RFC3: variants seen among roughly 807,000 people sequenced by gnomAD.
RFC3 encodes the protein A1 38 kDa subunit.
Under a neutral mutation model 45.1 loss-of-function variants are expected in RFC3, and 41 were observed. The ratio of observed to expected loss-of-function variants is 0.91; its 90% confidence interval spans 0.71 to 1.18. RFC3 has a LOEUF of 1.18. Among genes scored for constraint, RFC3 ranks in the 50% most tolerant of loss-of-function variants. The probability of loss-of-function intolerance (pLI) is 0.00; values close to 1 mark genes in which losing one functional copy is unlikely to be tolerated. For missense variants in RFC3, 423 were observed against 428.1 expected, an observed-to-expected ratio of 0.99 and a Z score of 0.10; for synonymous variants, 149 against 144.0, an observed-to-expected ratio of 1.03 and a Z score of -0.25.
At chr13:33,975,167 C>G in the RFC3 span, among the ~76,000 whole-genome samples, 1 of 152,160 alleles carries the variant, frequency 6.6e-6, no homozygotes, top group African/African-American at 2.4e-5. Context: ...AATTGATGAA[C>G]AAACTGTAGT....
At chr13:33,864,273 C>T (rs951296141) in intron 8 of RFC3, among the ~76,000 whole-genome samples, 2 of 152,186 alleles carry the variant, frequency 1.3e-5, no homozygotes, top group African/African-American at 4.8e-5. Flanking sequence ...CCACTAGGCC[C>T]ACCTCTAACA....
chr13:33,954,256 G>C (rs34339804), intron 8 of RFC3, among the ~76,000 whole-genome samples: 1 of 152,160 alleles, frequency 6.6e-6, no homozygotes, highest in Non-Finnish European at 1.5e-5. Context: ...GACATCAATA[G>C]AGGGCACAAT....
chr13:33,969,009 T>C (rs1385857998), downstream of RFC3, among the ~76,000 whole-genome samples: 1 of 152,200 alleles, frequency 6.6e-6, no homozygotes, highest in Non-Finnish European at 1.5e-5. Flanking sequence ...ACAAATTTTC[T>C]TCATTACTGC....
At chr13:33,860,954 T>A (rs1009149500) in intron 8 of RFC3, among the ~76,000 whole-genome samples, 13 of 151,814 alleles carry the variant, frequency 8.6e-5, no homozygotes, top group Admixed American at 8.5e-4. Flanking sequence ...CAGGCTGGAG[T>A]GCAGTGGTAT....
At chr13:33,926,772 CT>C (rs1397757299) in intron 8 of RFC3, among the ~76,000 whole-genome samples, 1 of 150,960 alleles carries the variant, frequency 6.6e-6, no homozygotes, top group Non-Finnish European at 1.5e-5. Context: ...GTGGGATACA[CT>C]TTTGTCAACA....
intron 8 of RFC3, among the ~76,000 whole-genome samples, chr13:33,876,333 C>T (rs1224045210): frequency 1.3e-5 from 2 of 152,176 alleles, no homozygotes; most frequent in Admixed American, 6.5e-5. Context: ...AGGCAAAAAG[C>T]ACCCCTGACT....
intron 8 of RFC3, among the ~76,000 whole-genome samples, chr13:33,894,134 A>G (rs577051918): frequency 6.6e-6 from 1 of 152,178 alleles, no homozygotes; most frequent in Non-Finnish European, 1.5e-5. Flanking sequence ...CCTTTGAAAG[A>G]AGCAGAACCC....
chr13:33,836,630 G>C lies in RFC3; in HGVS notation c.*335G>C, dbSNP rs1170462855. 1 of 1,004,980 alleles carries C rather than the reference G, an allele frequency of 1.0e-6. No homozygotes were observed. The highest frequency in any genetic ancestry group is 1.2e-6 in the Non-Finnish European group (1 of 842,728). 62.3% of individuals were successfully genotyped at this position (1,004,980 alleles called of 1,614,324 possible). ...CTAAAGGAGATTTACACATTAGAAA[G>C]CAAAGATTATTTTCATTTATCCAGA... On this transcript the variant is annotated 3_prime_UTR_variant, in exon 9 of 9. Transcript: ENST00000380071.
At position 33,825,820 on chromosome 13, in the gene RFC3, C is replaced by T. The variant is rs765573283; in HGVS notation, c.325C>T (p.Gln109Ter). 6.2e-7 allele frequency: 1 copy of T among 1,603,384 alleles called. No homozygotes were observed. The highest frequency in any genetic ancestry group is 8.5e-7 in the Non-Finnish European group (1 of 1,174,720). Reference protein sequence around the residue: ...DAGNSDRVVIQEMLKTVAQSQ... With the variant: ...DAGNSDRVVI ...TGGAAATAGTGACCGAGTAGTCATT[C>T]AGGAGATGTTGAAAACAGTGGCACA... Residue 109 changes from glutamine to a stop codon, truncating the protein, a stop_gained, in exon 4 of 9, where the codon CAG becomes TAG. Coordinates refer to ENST00000380071, the MANE Select transcript of RFC3 (RefSeq NM_002915.4). LOFTEE classifies it high-confidence loss of function.
At chr13:33,972,935 A>C in the RFC3 span, among the ~76,000 whole-genome samples, 1 of 152,240 alleles carries the variant, frequency 6.6e-6, no homozygotes, top group African/African-American at 2.4e-5. Flanking sequence ...GCAGAAGGGC[A>C]TAAGAATCGC....
At chr13:33,892,314 A>G (rs1473340523) in intron 8 of RFC3, among the ~76,000 whole-genome samples, 1 of 152,178 alleles carries the variant, frequency 6.6e-6, no homozygotes, top group Non-Finnish European at 1.5e-5. Context: ...CAGGAGCCAG[A>G]ATAAGGGATG....
chr13:33,908,186 C>T (rs978387366), intron 8 of RFC3, among the ~76,000 whole-genome samples: 4 of 151,952 alleles, frequency 2.6e-5, no homozygotes, highest in Non-Finnish European at 5.9e-5. Flanking sequence ...CACACACACA[C>T]AGTGCTACAT....
At chr13:33,925,153 CAT>C (rs1263057154) in intron 8 of RFC3, among the ~76,000 whole-genome samples, 7 of 145,234 alleles carry the variant, frequency 4.8e-5, no homozygotes, top group African/African-American at 1.5e-4. Context: ...GTACTATATA[CAT>C]ACACATATAG....
chr13:33,905,590 C>A (rs970046122), intron 8 of RFC3, among the ~76,000 whole-genome samples: 13 of 151,956 alleles, frequency 8.6e-5, no homozygotes, highest in African/African-American at 3.1e-4. Flanking sequence ...GTCTTCAGGG[C>A]TGAAGCAGTT....
At chr13:33,850,869 CAAT>C (rs1205335060) in intron 8 of RFC3, 1 of 151,986 alleles carries the variant, frequency 6.6e-6, no homozygotes, top group East Asian at 1.9e-4. Flanking sequence ...GAAAGGAAGT[CAAT>C]AAGCTTAATA....
intron 1 of RFC3, 139 bp from the exon 2 acceptor site, chr13:33,820,993 A>G (rs888677171): frequency 6.1e-5 from 35 of 572,516 alleles, no homozygotes; most frequent in Non-Finnish European, 7.6e-5. Context: ...ACACATATAT[A>G]AAAAATTGGG....
At chr13:33,881,432 C>T (rs2082483248) in intron 8 of RFC3, among the ~76,000 whole-genome samples, 1 of 152,202 alleles carries the variant, frequency 6.6e-6, no homozygotes, top group Non-Finnish European at 1.5e-5. Context: ...AGGATGCTTA[C>T]ACTGCGAGGA....
At chr13:33,847,196 C>T (rs986833345) in intron 8 of RFC3, 2 of 152,430 alleles carry the variant, frequency 1.3e-5, no homozygotes, top group African/African-American at 4.8e-5. Context: ...GCCACCATGC[C>T]TGGCCTACAC....
intron 8 of RFC3, among the ~76,000 whole-genome samples, chr13:33,911,627 A>G (rs1225837924): frequency 3.9e-5 from 6 of 152,080 alleles, no homozygotes; most frequent in African/African-American, 1.4e-4. Context: ...CATGGTGAAG[A>G]AGGACAAAGG....
Sources: allele counts gnomAD v4.1 joint callset (sites outside exome capture counted in the v4.1 genomes callset), GRCh38; gene constraint gnomAD v4.1.1; transcripts MANE v1.5; gene names NCBI Gene and HGNC (gene_info 2026-07-23, HGNC 2026-07-21).